FAM219A: variants seen among roughly 807,000 people sequenced by gnomAD.
The protein encoded by FAM219A is family with sequence similarity 219 member A.
FAM219A carries 7 observed loss-of-function variants against 23.4 expected under a neutral mutation model. The ratio of observed to expected loss-of-function variants is 0.30; its 90% CI spans 0.17 to 0.56. FAM219A has a LOEUF of 0.56. FAM219A is among the 20% of genes least tolerant of loss of function. FAM219A has a pLI of 0.92. For synonymous variants in FAM219A, 93 were observed against 99.0 expected, an observed-to-expected ratio of 0.94 and a Z score of 0.36; for missense variants, 166 against 246.9, an observed-to-expected ratio of 0.67 and a Z score of 2.20.
chr9:34,415,020 C>T (rs1009241600), intron 1 of FAM219A, among the ~76,000 whole-genome samples: 2 of 152,094 alleles, frequency 1.3e-5, no homozygotes, highest in Non-Finnish European at 2.9e-5. Flanking sequence ...GGTGCTGTCA[C>T]AGCTCACTGT....
intron 1 of FAM219A, among the ~76,000 whole-genome samples, chr9:34,440,680 C>T (rs1377606611): frequency 1.3e-5 from 2 of 151,950 alleles, no homozygotes; most frequent in African/African-American, 4.8e-5. Flanking sequence ...GAAACCCCGT[C>T]TCTACTAAAA....
At chr9:34,410,657 T>C (rs774536295) in intron 1 of FAM219A, among the ~76,000 whole-genome samples, 2 of 152,160 alleles carry the variant, frequency 1.3e-5, no homozygotes, top group Non-Finnish European at 2.9e-5. Context: ...AACAGACATA[T>C]GGCTTGGATG....
At chr9:34,403,832 T>C (rs1821536788) in intron 2 of FAM219A, among the ~76,000 whole-genome samples, 1 of 152,202 alleles carries the variant, frequency 6.6e-6, no homozygotes, top group African/African-American at 2.4e-5. Flanking sequence ...CTACTGTGAC[T>C]CACTTGGAAA....
At chr9:34,404,339 G>T (rs1030404995) in intron 2 of FAM219A, among the ~76,000 whole-genome samples, 2 of 152,210 alleles carry the variant, frequency 1.3e-5, no homozygotes, top group Non-Finnish European at 2.9e-5. Flanking sequence ...GCTTGGAATG[G>T]TTACCTCTTA....
chr9:34,431,881 T>C (rs571969704), intron 1 of FAM219A, among the ~76,000 whole-genome samples: 6 of 152,248 alleles, frequency 3.9e-5, no homozygotes, highest in Non-Finnish European at 7.3e-5. Context: ...TGTATGTGCA[T>C]GTGCATATGT....
intron 1 of FAM219A, among the ~76,000 whole-genome samples, chr9:34,447,419 A>G (rs968858044): frequency 1.3e-5 from 2 of 152,230 alleles, no homozygotes; most frequent in Non-Finnish European, 2.9e-5. Context: ...TCACATGTAC[A>G]GCTCTGTGTT....
intron 1 of FAM219A, among the ~76,000 whole-genome samples, chr9:34,416,448 T>C (rs1227440018): frequency 1.3e-5 from 2 of 152,112 alleles, no homozygotes; most frequent in Admixed American, 6.5e-5. Flanking sequence ...TACATGTGCA[T>C]AGAACAACAT....
chr9:34,430,567 G>A (rs1302698212), intron 1 of FAM219A, among the ~76,000 whole-genome samples: 1 of 148,496 alleles, frequency 6.7e-6, no homozygotes, highest in African/African-American at 2.5e-5. Flanking sequence ...AACCCAGGAG[G>A]TGGAGCTTGC....
At chr9:34,429,490 G>A (rs1822612087) in intron 1 of FAM219A, among the ~76,000 whole-genome samples, 1 of 152,190 alleles carries the variant, frequency 6.6e-6, no homozygotes. Context: ...GTAGGTAGAG[G>A]AGGAACTTTC....
chr9:34,430,973 T>C (rs1056551295), intron 1 of FAM219A, among the ~76,000 whole-genome samples: 6 of 152,226 alleles, frequency 3.9e-5, no homozygotes, highest in Admixed American at 1.3e-4. Context: ...CCTTAAGTCC[T>C]TGGAGGCTCT....
At chr9:34,401,256 G>T in intron 5 of FAM219A, 134 bp from the exon 6 acceptor site, 2 of 1,132,000 alleles carry the variant, frequency 1.8e-6, no homozygotes, top group Non-Finnish European at 2.5e-6. Context: ...TCCCGGGTCT[G>T]TCTGTACCCC....
At chr9:34,407,474 C>T (rs986026482) in intron 1 of FAM219A, among the ~76,000 whole-genome samples, 6 of 144,302 alleles carry the variant, frequency 4.2e-5, no homozygotes, top group African/African-American at 1.5e-4. Context: ...CAAATATCAA[C>T]TTATCACCCA....
At chr9:34,429,886 C>T (rs981424964) in intron 1 of FAM219A, among the ~76,000 whole-genome samples, 3 of 152,324 alleles carry the variant, frequency 2.0e-5, no homozygotes, top group Admixed American at 1.3e-4. Context: ...ATGCTCCCTT[C>T]GTCCAGATTG....
chr9:34,450,350 G>A (rs1469020017), intron 1 of FAM219A, among the ~76,000 whole-genome samples: 1 of 150,424 alleles, frequency 6.6e-6, no homozygotes, highest in Non-Finnish European at 1.5e-5. Context: ...TTTATACCTT[G>A]TACATAATTA....
At chr9:34,428,943 T>A (rs1426994295) in intron 1 of FAM219A, among the ~76,000 whole-genome samples, 1 of 152,166 alleles carries the variant, frequency 6.6e-6, no homozygotes, top group African/African-American at 2.4e-5. Flanking sequence ...TGGATCCAGA[T>A]CCTCTGCACA....
Position 34,405,936 on chromosome 9 carries a change from C to A in FAM219A, c.89G>T (p.Gly30Val). ...LDPAAASISD[G>V]DCDAREGESV... is the part of the protein sequence containing the mutation. ...CTCACCCTCCCGGGCGTCACAGTCT[C>A]CGTCAGAGATGGAGGCGGCGGCTGG... Residue 30 changes from glycine to valine, a missense_variant, in exon 2 of 6, where the codon GGA becomes GTA. Gly to Val is a moderately radical substitution (Grantham distance 109). Transcript: ENST00000651358. The A allele has an allele frequency of 6.2e-7, 1 of 1,613,310 alleles. No homozygotes were observed.
In FAM219A at chr9:34,443,477, ATCTCCTCAC is replaced by A. The variant is rs1045696284; in HGVS notation, c.60+14718_60+14726del. On this transcript the variant is annotated intron_variant, in intron 1 of 5. Transcript: ENST00000651358. Reference sequence around the variant, plus strand: ...CATTTGGTGATGAGAAGAATAACCCATCTCCTCACTCTCTCCCACAAAAGTTCCCTTGGG... The same window carrying A: ...CATTTGGTGATGAGAAGAATAACCCATCTCTCCCACAAAAGTTCCCTTGGG... Among the ~76,000 whole-genome samples the A allele has an allele frequency of 7.2e-5, 11 of 152,102 alleles. 1 individual carries two copies. Among genetic ancestry groups the A allele is most frequent in the Admixed American group, 5.2e-4 (8 of 15,268 alleles).
intron 1 of FAM219A, among the ~76,000 whole-genome samples, chr9:34,456,202 G>GA (rs1038126486): frequency 6.6e-6 from 1 of 151,614 alleles, no homozygotes; most frequent in Non-Finnish European, 1.5e-5. Context: ...CAAAAAAAAA[G>GA]AAAAAAAAGT....
chr9:34,439,454 A>G (rs957344324), intron 1 of FAM219A, among the ~76,000 whole-genome samples: 1 of 152,216 alleles, frequency 6.6e-6, no homozygotes, highest in East Asian at 1.9e-4. Context: ...ATCTGGTTTC[A>G]TGCAACATCC....
Sources: allele counts gnomAD v4.1 joint callset (sites outside exome capture counted in the v4.1 genomes callset), GRCh38; gene constraint gnomAD v4.1.1; transcripts MANE v1.5; gene names NCBI Gene and HGNC (gene_info 2026-07-23, HGNC 2026-07-21).